The following ERCC6L variants were observed in gnomAD, a reference collection of about 807,000 sequenced individuals.
The protein encoded by ERCC6L is ERCC excision repair 6 like, spindle assembly checkpoint helicase.
A neutral mutation model predicts 20.1 loss-of-function variants in ERCC6L; 7 were observed. The observed-to-expected ratio is 0.35, with a 90% CI of 0.20 to 0.65. The LOEUF (loss-of-function observed/expected upper bound fraction) is 0.65. ERCC6L is among the 30% of genes least tolerant of loss of function. The pLI is 0.69. For synonymous variants in ERCC6L, 278 were observed against 331.3 expected (o/e 0.84, Z 1.75); for missense variants, 592 against 892.4 (o/e 0.66, Z 4.29).
rs1184080116 is a variant in ERCC6L at position 72,207,679 on chromosome X, C to G, written c.1088G>C (p.Arg363Thr). 8.3e-7 allele frequency: 1 copy of G among 1,208,665 alleles called. No individual in the cohort carries two copies. The highest frequency in any genetic ancestry group is 1.1e-6 in the Non-Finnish European group (1 of 894,638). Reference protein sequence around the residue: ...DAICEMPSLSRKNDLIIWIRL... With the variant: ...DAICEMPSLSTKNDLIIWIRL... ...TATCCAAATAATTAAATCATTTTTC[C>G]TGGAAAGGGAAGGCATTTCACAAAT... Residue 363 changes from arginine (R) to threonine (T), a missense_variant, in exon 2 of 2, where the codon AGG (arginine) becomes ACG (threonine). Physicochemically the swap from Arg to Thr is moderately conservative, Grantham distance 71. Around this residue, in one of 3 missense-constraint regions of ERCC6L, gnomAD observed 196 missense variants for 440.1 expected, o/e 0.45. Coordinates refer to ENST00000334463, the MANE Select transcript of ERCC6L (RefSeq NM_017669.4).
In ERCC6L at chrX:72,230,920, G is replaced by A. The variant is rs769732912; in HGVS notation, c.68+7924C>T. Among the ~76,000 whole-genome samples, 9 of 112,205 alleles carry A rather than the reference G, an allele frequency of 8.0e-5. No homozygotes were observed. The South Asian group carries it at 1.1e-3, about 14-fold the overall frequency. On this transcript the variant is annotated intron_variant, in intron 1 of 1. Coordinates refer to ENST00000334463, the MANE Select transcript of ERCC6L (RefSeq NM_017669.4). ...CCCCAAGCTTCAGTGAGCCGAGATCGTGCCACTGCACTCCAGCCTGGGTGA... is the reference window on the plus strand; with the variant it reads ...CCCCAAGCTTCAGTGAGCCGAGATCATGCCACTGCACTCCAGCCTGGGTGA...
chrX:72,209,680 C>T (rs914388745), intron 1 of ERCC6L, among the ~76,000 whole-genome samples: 1 of 111,522 alleles, frequency 9.0e-6, no homozygotes, highest in Non-Finnish European at 1.9e-5. Flanking sequence ...CTGCAGCTTC[C>T]TACATAAACT....
At chrX:72,222,839 A>G (rs7051881) in intron 1 of ERCC6L, among the ~76,000 whole-genome samples, 43,552 of 103,445 alleles carry the variant, frequency 0.42, 8,795 homozygotes, top group East Asian at 0.98. Flanking sequence ...CTCGTGATCC[A>G]CCCGCCTCGG....
Position 72,239,007 on chromosome X carries a change from G to A in ERCC6L, c.-96C>T, listed in dbSNP as rs767407080. On this transcript the variant is annotated 5_prime_UTR_variant, in exon 1 of 2. Coordinates refer to ENST00000334463, the MANE Select transcript of ERCC6L (RefSeq NM_017669.4). ...GCTTAGAGTTTGGAGCTTGAATTTC[G>A]CTCACTCCCGCCCCGCGCATGCTCT... 22 of 853,965 alleles carry A rather than the reference G, an allele frequency of 2.6e-5. No homozygotes were observed. The highest frequency in any genetic ancestry group is 6.7e-5 in the South Asian group (3 of 44,483). 70.4% of individuals were successfully genotyped at this position (853,965 alleles called of 1,213,427 possible). A position where few individuals can be genotyped will look rare whatever the true frequency, so the allele number is the denominator to read the frequency against.
intron 1 of ERCC6L, among the ~76,000 whole-genome samples, chrX:72,212,119 A>G (rs924872271): frequency 9.0e-6 from 1 of 110,514 alleles, no homozygotes; most frequent in Non-Finnish European, 1.9e-5. Flanking sequence ...TACTAAAAAT[A>G]CAAAAAAATT....
intron 1 of ERCC6L, among the ~76,000 whole-genome samples, chrX:72,220,194 CCAAGCAATCACAT>C (rs1224878445): frequency 9.1e-6 from 1 of 110,077 alleles, no homozygotes; most frequent in African/African-American, 3.3e-5. Flanking sequence ...GAGATGTCAA[CCAAGCAATCACAT>C]ATAGGAGTAT....
chrX:72,230,281 T>C (rs12844439), intron 1 of ERCC6L, among the ~76,000 whole-genome samples: 46 of 110,749 alleles, frequency 4.2e-4, no homozygotes, highest in Non-Finnish European at 8.1e-4. Flanking sequence ...AGAGACATGC[T>C]AGCCCCAAGA....
chrX:72,224,949 T>C (rs146815399), intron 1 of ERCC6L, among the ~76,000 whole-genome samples: 2,289 of 111,061 alleles, frequency 0.021, 65 homozygotes, highest in African/African-American at 0.072. Context: ...TACTGACTTT[T>C]GGCTGCCAAT....
chrX:72,206,922 A>T lies in ERCC6L; in HGVS notation c.1845T>A (p.Pro615=). The change falls in exon 2 of 2, where the codon CCT becomes CCA. Residue 615 remains proline (P), a synonymous_variant. Transcript: ENST00000334463. The part of the protein sequence containing the change: ...IRQTTGEKKN[P]FRYFSKQELR... ...ATTCTTGTTTACTAAAATATCGGAA[A>T]GGGTTCTTTTTTTCACCAGTAGTTT... 8.3e-7 allele frequency: 1 copy of T among 1,211,185 alleles called. No homozygotes were observed. Among genetic ancestry groups the T allele is most frequent in the Non-Finnish European group, 1.1e-6 (1 of 895,217 alleles).
intron 1 of ERCC6L, among the ~76,000 whole-genome samples, chrX:72,232,672 TG>T (rs1402009805): frequency 2.7e-5 from 3 of 110,704 alleles, no homozygotes; most frequent in African/African-American, 9.9e-5. Context: ...TAGCCGGGTG[TG>T]GTGGCACCCA....
In ERCC6L at chrX:72,206,549, T is replaced by A; in HGVS notation, c.2218A>T (p.Thr740Ser). 8.3e-7 allele frequency: 1 copy of A among 1,211,301 alleles called. No homozygotes were observed. The highest frequency in any genetic ancestry group is 1.1e-6 in the Non-Finnish European group (1 of 895,076). The change falls in exon 2 of 2, where the codon ACA becomes TCA. Residue 740 changes from threonine to serine, a missense_variant. Physicochemically the swap from Thr to Ser is moderately conservative, Grantham distance 58. Coordinates refer to ENST00000334463, the MANE Select transcript of ERCC6L (RefSeq NM_017669.4). ...TTCAATTTAGGGCATTTCTTCTTTG[T>A]TGAAGAAGGAAATACAGGTTCTCTT... The part of the protein sequence containing the change: ...WLREPVFPSS[T>S]KKKCPKLNKP...
chrX:72,225,699 C>G (rs955015927), intron 1 of ERCC6L, among the ~76,000 whole-genome samples: 10 of 111,705 alleles, frequency 9.0e-5, no homozygotes, highest in Non-Finnish European at 1.3e-4. Flanking sequence ...TCTTGACCAA[C>G]CACTCACTCC....
intron 1 of ERCC6L, among the ~76,000 whole-genome samples, chrX:72,209,834 G>A (rs928536171): frequency 2.7e-5 from 3 of 111,356 alleles, no homozygotes; most frequent in Non-Finnish European, 5.6e-5. Flanking sequence ...CAGTAAGGGC[G>A]CCAAAATAAT....
chrX:72,211,293 G>A (rs955225429), intron 1 of ERCC6L, among the ~76,000 whole-genome samples: 3 of 110,653 alleles, frequency 2.7e-5, no homozygotes, highest in African/African-American at 9.9e-5. Flanking sequence ...TGGGAGCCAA[G>A]AGGACAGGGA....
In ERCC6L at chrX:72,216,507, A is replaced by G. The variant is rs150152782; in HGVS notation, c.69-7809T>C. On this transcript the variant is annotated intron_variant, in intron 1 of 1. Transcript: ENST00000334463. ...GGCATTGATTACATTCACAACGTGT[A>G]ATCATCACCACTATCCTTCTCATGA... 3.0e-3 allele frequency among the ~76,000 whole-genome samples: 340 copies of G among 112,072 alleles called. 2 individuals carry two copies. The highest frequency in any genetic ancestry group is 0.01 in the African/African-American group (318 of 30,882).
chrX:72,231,630 T>G (rs901416229), intron 1 of ERCC6L, among the ~76,000 whole-genome samples: 6 of 110,762 alleles, frequency 5.4e-5, no homozygotes, highest in Non-Finnish European at 1.1e-4. Flanking sequence ...CTCAGGTTAC[T>G]GCAGCCTCCG....
At chrX:72,228,317 G>A (rs1367598860) in intron 1 of ERCC6L, among the ~76,000 whole-genome samples, 1 of 111,832 alleles carries the variant, frequency 8.9e-6, no homozygotes, top group African/African-American at 3.3e-5. Context: ...TGGCACCAGG[G>A]AACAAACATT....
At position 72,205,526 on chromosome X, in the gene ERCC6L, T is replaced by C; in HGVS notation, c.3241A>G (p.Ser1081Gly). 1 of 1,211,527 alleles carries C rather than the reference T, an allele frequency of 8.3e-7. No individual in the cohort carries two copies. Among genetic ancestry groups the C allele is most frequent in the Non-Finnish European group, 1.1e-6 (1 of 895,301 alleles). Residue 1081 changes from serine (S) to glycine (G), a missense_variant, in exon 2 of 2, where the codon AGT becomes GGT. Around this residue, in one of 3 missense-constraint regions of ERCC6L, gnomAD observed 352 missense variants for 402.6 expected, o/e 0.87. Transcript: ENST00000334463. Reference protein sequence around the residue: ...PGRFFSSQIPSSVNKSMNSRR... With the variant: ...PGRFFSSQIPGSVNKSMNSRR... Reference sequence around the variant, plus strand: ...GAGTTCATAGACTTATTTACACTACTGGGTATTTGAGATGAAAAGAACCTT... The same window carrying C: ...GAGTTCATAGACTTATTTACACTACCGGGTATTTGAGATGAAAAGAACCTT...
At position 72,234,068 on chromosome X, in the gene ERCC6L, C is replaced by T. The variant is rs185348212; in HGVS notation, c.68+4776G>A. On this transcript the variant is annotated intron_variant, in intron 1 of 1. Transcript: ENST00000334463. Reference sequence around the variant, plus strand: ...GAGGTTGCAGTGAGCTGAGATTGCGCCACTGCACTCCAGCCTGGGCAACAG... The same window carrying T: ...GAGGTTGCAGTGAGCTGAGATTGCGTCACTGCACTCCAGCCTGGGCAACAG... Among the ~76,000 whole-genome samples the T allele has an allele frequency of 3.1e-4, 34 of 110,133 alleles. No individual in the cohort carries two copies. The East Asian group carries it at 9.1e-3, about 29-fold the overall frequency.
Sources: gnomAD v4.1 joint callset for allele counts (sites outside exome capture counted in the v4.1 genomes callset) on GRCh38, gnomAD v4.1.1 for gene constraint, gnomAD v4.1.1 regional missense constraint, MANE v1.5 for transcripts, NCBI Gene and HGNC (gene_info 2026-07-23, HGNC 2026-07-21) for gene names.